Variants in KCTD16 observed in about 807,000 individuals in gnomAD.
The protein encoded by KCTD16 is potassium channel tetramerization domain containing 16.
A neutral mutation model predicts 33.2 loss-of-function variants in KCTD16; 13 were observed. The observed-to-expected ratio is 0.39, with a 90% CI of 0.25 to 0.62. The LOEUF is 0.62. KCTD16 is among the 20% of genes least tolerant of loss of function. The probability of loss-of-function intolerance (pLI) is 0.50; values close to 1 mark genes in which losing one functional copy is unlikely to be tolerated. For missense variants in KCTD16, 441 were observed against 525.1 expected (o/e 0.84, Z 1.57); for synonymous variants, 197 against 195.3 (o/e 1.01, Z -0.07).
At chr5:144,314,222 G>C (rs753618895) in intron 3 of KCTD16, among the ~76,000 whole-genome samples, 5 of 152,086 alleles carry the variant, frequency 3.3e-5, no homozygotes, top group Non-Finnish European at 7.4e-5. Context: ...ATACCCCAAA[G>C]TATTTGGGTG....
At chr5:144,180,618 A>G (rs1752602992) in intron 2 of KCTD16, among the ~76,000 whole-genome samples, 1 of 152,204 alleles carries the variant, frequency 6.6e-6, no homozygotes, top group African/African-American at 2.4e-5. Flanking sequence ...GGGAGCTCAA[A>G]AGCTGAATGT....
chr5:144,461,818 A>G (rs1754202285), intron 3 of KCTD16, among the ~76,000 whole-genome samples: 2 of 152,188 alleles, frequency 1.3e-5, no homozygotes, highest in Non-Finnish European at 2.9e-5. Flanking sequence ...CGGCTACGGA[A>G]CACACTATTT....
intron 3 of KCTD16, among the ~76,000 whole-genome samples, chr5:144,269,154 T>C (rs1339248319): frequency 9.2e-5 from 14 of 151,844 alleles, no homozygotes; most frequent in Admixed American, 9.2e-4. Context: ...GGAGAAGAGA[T>C]GGGAAAAGGG....
intron 3 of KCTD16, among the ~76,000 whole-genome samples, chr5:144,338,572 A>G (rs1752548224): frequency 6.6e-6 from 1 of 152,204 alleles, no homozygotes; most frequent in African/African-American, 2.4e-5. Context: ...TTACTGCCTG[A>G]TGAAAGAAAA....
chr5:144,220,166 C>G (rs554979695), intron 3 of KCTD16, among the ~76,000 whole-genome samples: 1 of 152,296 alleles, frequency 6.6e-6, no homozygotes, highest in East Asian at 1.9e-4. Context: ...ACTCATCCTT[C>G]CACTTCTCAT....
chr5:144,357,690 A>G (rs956224673), intron 3 of KCTD16, among the ~76,000 whole-genome samples: 1 of 152,216 alleles, frequency 6.6e-6, no homozygotes, highest in African/African-American at 2.4e-5. Flanking sequence ...GCTGAACCTC[A>G]AAGAATAGGC....
At chr5:144,182,371 A>C (rs985392148) in intron 2 of KCTD16, among the ~76,000 whole-genome samples, 1 of 152,210 alleles carries the variant, frequency 6.6e-6, no homozygotes, top group African/African-American at 2.4e-5. Context: ...CTGTTATAGC[A>C]GTAGAAAACA....
chr5:144,410,162 G>A (rs1752900990), intron 3 of KCTD16, among the ~76,000 whole-genome samples: 1 of 152,210 alleles, frequency 6.6e-6, no homozygotes, highest in Non-Finnish European at 1.5e-5. Flanking sequence ...ATGTGGCTAA[G>A]CTTTGCTGTG....
chr5:144,253,605 T>C (rs562878282), intron 3 of KCTD16, among the ~76,000 whole-genome samples: 4 of 152,278 alleles, frequency 2.6e-5, no homozygotes, highest in Admixed American at 6.5e-5. Context: ...GGTGCAGACA[T>C]GTGTCTATAG....
chr5:144,235,376 G>A (rs866679053), intron 3 of KCTD16, among the ~76,000 whole-genome samples: 38 of 152,132 alleles, frequency 2.5e-4, no homozygotes, highest in African/African-American at 8.7e-4. Context: ...GAGTTTGAAT[G>A]AGTTTGCTGA....
intron 3 of KCTD16, among the ~76,000 whole-genome samples, chr5:144,320,242 T>C (rs1003364116): frequency 6.6e-6 from 1 of 152,094 alleles, no homozygotes; most frequent in Non-Finnish European, 1.5e-5. Flanking sequence ...CTATGCATAG[T>C]CCCCCTCTGT....
At chr5:144,214,448 T>C (rs566423167) in intron 3 of KCTD16, among the ~76,000 whole-genome samples, 72 of 152,356 alleles carry the variant, frequency 4.7e-4, no homozygotes, top group South Asian at 1.9e-3. Context: ...ACAACTGCTC[T>C]TGTATTCAAA....
rs558746741 is a variant in KCTD16 at position 144,478,402 on chromosome 5, T to G, written c.*4288T>G. ...CAGCCTTGTGATGCAAACACAGAGCTTATTTGTTTGAAATGCCTATTATTC... is the reference window on the plus strand; with the variant it reads ...CAGCCTTGTGATGCAAACACAGAGCGTATTTGTTTGAAATGCCTATTATTC... On this transcript the variant is annotated 3_prime_UTR_variant, in exon 4 of 4. Transcript: ENST00000512467. The G allele has an allele frequency of 1.3e-5, 2 of 152,204 alleles. No homozygotes were observed. Among genetic ancestry groups the G allele is most frequent in the African/African-American group, 4.8e-5 (2 of 41,560 alleles). 9.4% of individuals were successfully genotyped at this position (152,204 alleles called of 1,614,324 possible).
At chr5:144,365,268 G>A (rs1481752070) in intron 3 of KCTD16, among the ~76,000 whole-genome samples, 1 of 152,070 alleles carries the variant, frequency 6.6e-6, no homozygotes, top group Admixed American at 6.6e-5. Context: ...TTGTACTGGA[G>A]TGGGTTTGGT....
At chr5:144,440,737 T>C (rs1173662220) in intron 3 of KCTD16, among the ~76,000 whole-genome samples, 1 of 152,070 alleles carries the variant, frequency 6.6e-6, no homozygotes, top group Non-Finnish European at 1.5e-5. Context: ...TTGAGTTTTT[T>C]TATTTTATTT....
At chr5:144,399,286 C>T (rs1047323115) in intron 3 of KCTD16, among the ~76,000 whole-genome samples, 1 of 152,068 alleles carries the variant, frequency 6.6e-6, no homozygotes, top group Non-Finnish European at 1.5e-5. Context: ...CCTCTATTCC[C>T]TGAGTATAAG....
chr5:144,414,576 C>T (rs1354578759), intron 3 of KCTD16, among the ~76,000 whole-genome samples: 1 of 152,172 alleles, frequency 6.6e-6, no homozygotes, highest in African/African-American at 2.4e-5. Flanking sequence ...ATGATTTTTG[C>T]ATAAAGGAAT....
chr5:144,220,712 C>A (rs372128541), intron 3 of KCTD16, among the ~76,000 whole-genome samples: 1 of 152,042 alleles, frequency 6.6e-6, no homozygotes, highest in Non-Finnish European at 1.5e-5. Flanking sequence ...GAGGCCGAGG[C>A]GGGTGGATCA....
At position 144,349,721 on chromosome 5, in the gene KCTD16, C is replaced by G. The variant is rs368552786; in HGVS notation, c.833-123939C>G. ...CCTTTCCCATCTGTCAGGCATTGCCCTGGGGTCCTATCCCTGGCCCAAGGA... is the reference window on the plus strand; with the variant it reads ...CCTTTCCCATCTGTCAGGCATTGCCGTGGGGTCCTATCCCTGGCCCAAGGA... On this transcript the variant is annotated intron_variant, in intron 3 of 3. Transcript: ENST00000512467. Among the ~76,000 whole-genome samples the G allele has an allele frequency of 7.9e-5, 12 of 152,314 alleles. No individual in the cohort carries two copies. The East Asian group carries it at 1.4e-3, about 17-fold the overall frequency.
Sources: allele counts gnomAD v4.1 joint callset (sites outside exome capture counted in the v4.1 genomes callset), GRCh38; gene constraint gnomAD v4.1.1; transcripts MANE v1.5; gene names NCBI Gene and HGNC (gene_info 2026-07-23, HGNC 2026-07-21).